The following WSCD2 variants were observed in gnomAD, a reference collection of about 807,000 sequenced individuals.
WSCD2 encodes sialate:O-sulfotransferase 2.
Under a neutral mutation model 55.7 loss-of-function variants are expected in WSCD2, and 28 were observed. The ratio of observed to expected loss-of-function variants is 0.50; its 90% CI spans 0.37 to 0.69. The LOEUF (loss-of-function observed/expected upper bound fraction) is 0.69. Ranked by LOEUF, WSCD2 falls within the 30% of genes least tolerant of loss-of-function variation. The pLI is 0.00. For synonymous variants in WSCD2, 301 were observed against 301.9 expected (o/e 1.00, Z 0.03); for missense variants, 616 against 762.1 (o/e 0.81, Z 2.26).
intron 1 of WSCD2, among the ~76,000 whole-genome samples, chr12:108,160,151 G>A (rs986607469): frequency 6.6e-6 from 1 of 152,150 alleles, no homozygotes; most frequent in Admixed American, 6.5e-5. Context: ...AAGACCCAAC[G>A]TGAAAATGAA....
chr12:108,153,324 TG>T (rs1188465947), intron 1 of WSCD2, among the ~76,000 whole-genome samples: 1 of 152,216 alleles, frequency 6.6e-6, no homozygotes, highest in African/African-American at 2.4e-5. Flanking sequence ...ACCTGTGCTC[TG>T]TGGATCTCTG....
chr12:108,228,366 A>G (rs1888370657), intron 6 of WSCD2, among the ~76,000 whole-genome samples: 1 of 152,210 alleles, frequency 6.6e-6, no homozygotes, highest in Non-Finnish European at 1.5e-5. Flanking sequence ...CACTTTACAG[A>G]TGACAGAACT....
intron 1 of WSCD2, among the ~76,000 whole-genome samples, chr12:108,165,599 A>G (rs920823352): frequency 4.6e-5 from 7 of 152,168 alleles, no homozygotes; most frequent in Non-Finnish European, 1.0e-4. Context: ...TGTTCTTTCT[A>G]TATGGGACCC....
In WSCD2 at chr12:108,166,191, A is replaced by C. The variant is rs1050790709; in HGVS notation, c.-551-29091A>C. Among the ~76,000 whole-genome samples the C allele has an allele frequency of 2.6e-5, 4 of 152,236 alleles. No homozygotes were observed. The East Asian group carries it at 7.7e-4, about 29-fold the overall frequency. On this transcript the variant is annotated intron_variant, in intron 1 of 8. Transcript: ENST00000547525. The stretch of plus-strand genomic sequence containing the variant: ...TCTGCTAGCTCTGTAATATTGGATC[A>C]GTGACTTCATCTCTTTGAGCCTTAA...
intron 6 of WSCD2, among the ~76,000 whole-genome samples, chr12:108,232,349 T>C (rs1027365250): frequency 6.6e-6 from 1 of 152,096 alleles, no homozygotes; most frequent in South Asian, 2.1e-4. Context: ...ACGGATGCCA[T>C]TGACGGTTTC....
In WSCD2 at chr12:108,195,823, T is replaced by C. The variant is rs747120443; in HGVS notation, c.-10T>C. 25 of 1,598,818 alleles carry C rather than the reference T, an allele frequency of 1.6e-5. No homozygotes were observed. Among genetic ancestry groups the C allele is most frequent in the Non-Finnish European group, 2.0e-5 (24 of 1,171,434 alleles). ...CAAGCCCCAGAGAGCCAGTCCGGAA[T>C]GATCCCACTATGGCCAAGCTCTGGT... On this transcript the variant is annotated 5_prime_UTR_variant, in exon 2 of 9. The change abolishes an upstream ATG in the 5' untranslated region. Transcript: ENST00000547525.
intron 1 of WSCD2, among the ~76,000 whole-genome samples, chr12:108,139,628 T>C (rs867445680): frequency 6.6e-6 from 1 of 152,048 alleles, no homozygotes; most frequent in Non-Finnish European, 1.5e-5. Context: ...CAGTTTCTCA[T>C]CTGTAAAATG....
intron 2 of WSCD2, among the ~76,000 whole-genome samples, chr12:108,203,786 T>C (rs1241646235): frequency 1.3e-5 from 2 of 152,224 alleles, no homozygotes; most frequent in South Asian, 2.1e-4. Flanking sequence ...TCCTATCACA[T>C]CCAACTTCAA....
At position 108,153,898 on chromosome 12, in the gene WSCD2, G is replaced by A. The variant is rs1436807920; in HGVS notation, c.-552+23972G>A. Among the ~76,000 whole-genome samples the A allele has an allele frequency of 5.3e-5, 8 of 151,956 alleles. 1 individual carries two copies. In the South Asian group the frequency reaches 1.0e-3, roughly 20 times the overall value. ...CAGTTGAAGGGGAAGAGCGTGTCTCGAGGGGCAAATGGAAGACAGCAGACA... is the reference window on the plus strand; with the variant it reads ...CAGTTGAAGGGGAAGAGCGTGTCTCAAGGGGCAAATGGAAGACAGCAGACA... On this transcript the variant is annotated intron_variant, in intron 1 of 8. Coordinates refer to ENST00000547525, the MANE Select transcript of WSCD2 (RefSeq NM_014653.4).
At chr12:108,145,827 G>A (rs1877327065) in intron 1 of WSCD2, among the ~76,000 whole-genome samples, 1 of 152,186 alleles carries the variant, frequency 6.6e-6, no homozygotes, top group South Asian at 2.1e-4. Context: ...CATGAAAGGA[G>A]GCATTGTGCG....
At chr12:108,194,000 C>A (rs1026197178) in intron 1 of WSCD2, among the ~76,000 whole-genome samples, 4 of 152,278 alleles carry the variant, frequency 2.6e-5, no homozygotes, top group Admixed American at 1.3e-4. Flanking sequence ...ACTATGGAAT[C>A]TCAGGCGTTG....
chr12:108,243,438 C>T (rs371244465), intron 8 of WSCD2, among the ~76,000 whole-genome samples: 2 of 152,124 alleles, frequency 1.3e-5, no homozygotes, highest in South Asian at 4.2e-4. Context: ...AGGGTTTCAC[C>T]GTGTTAGCCA....
At chr12:108,132,942 GT>G (rs1755021584) in intron 1 of WSCD2, among the ~76,000 whole-genome samples, 1 of 152,184 alleles carries the variant, frequency 6.6e-6, no homozygotes, top group Non-Finnish European at 1.5e-5. Flanking sequence ...GTCTCTGTAT[GT>G]GTGTGCATCT....
rs866477661 is a variant in WSCD2 at position 108,248,538 on chromosome 12, C to A, written c.*195C>A. On this transcript the variant is annotated 3_prime_UTR_variant, in exon 9 of 9. Transcript: ENST00000547525. This position sits in a 1 kb window ranked among gnomAD's most constrained non-coding sequence, Gnocchi z 4.3. The stretch of plus-strand genomic sequence containing the variant: ...AAGAGATTGCCCAGGCACTACCACT[C>A]TGCTCACATGTTCCCCCCTTGGCAA... 5.8e-5 allele frequency: 82 copies of A among 1,407,918 alleles called. No individual in the cohort carries two copies. Among genetic ancestry groups the A allele is most frequent in the Admixed American group, 1.8e-4 (6 of 34,212 alleles). The allele number at this position is 1,407,918 out of a possible 1,614,324, so 87.2% of individuals were successfully genotyped here. A position where few individuals can be genotyped will look rare whatever the true frequency, so the allele number is the denominator to read the frequency against.
At chr12:108,200,480 C>T (rs1884524488) in intron 2 of WSCD2, among the ~76,000 whole-genome samples, 1 of 148,748 alleles carries the variant, frequency 6.7e-6, no homozygotes, top group African/African-American at 2.5e-5. Context: ...TTCATTCGTT[C>T]ATTTATTCTT....
intron 1 of WSCD2, among the ~76,000 whole-genome samples, chr12:108,172,521 T>C (rs1240751179): frequency 6.6e-6 from 1 of 152,146 alleles, no homozygotes; most frequent in Non-Finnish European, 1.5e-5. Context: ...ACATACTGGA[T>C]TCAGGTGGGC....
intron 6 of WSCD2, among the ~76,000 whole-genome samples, chr12:108,232,469 A>G (rs1442642993): frequency 6.6e-6 from 1 of 152,228 alleles, no homozygotes; most frequent in East Asian, 1.9e-4. Context: ...GATCCCTACT[A>G]TGGGCTAAGC....
chr12:108,140,293 A>G (rs1401369165), intron 1 of WSCD2, among the ~76,000 whole-genome samples: 1 of 152,220 alleles, frequency 6.6e-6, no homozygotes, highest in African/African-American at 2.4e-5. Flanking sequence ...GGCGCCTAGC[A>G]TATGGTACAG....
At chr12:108,166,726 C>CTCTTTCTT (rs764436831) in intron 1 of WSCD2, among the ~76,000 whole-genome samples, 3 of 98,692 alleles carry the variant, frequency 3.0e-5, no homozygotes, top group African/African-American at 1.1e-4. Flanking sequence ...CTCCTTCTTT[C>CTCTTTCTT]TCTTTCTTTC....
Sources: gnomAD v4.1 joint callset for allele counts (sites outside exome capture counted in the v4.1 genomes callset) on GRCh38, gnomAD v4.1.1 for gene constraint, Gnocchi (gnomAD v3.1) non-coding constraint, MANE v1.5 for transcripts, NCBI Gene and HGNC (gene_info 2026-07-23, HGNC 2026-07-21) for gene names.